The following SLC1A6 variants were observed in gnomAD, a reference collection of about 807,000 sequenced individuals.
SLC1A6 encodes solute carrier family 1 member 6, also known as excitatory amino acid transporter 4.
In SLC1A6, 15 loss-of-function variants were observed where a neutral mutation model predicts 42.1. That is an observed-to-expected ratio of 0.36 (90% CI 0.24 to 0.55). The LOEUF (loss-of-function observed/expected upper bound fraction) is 0.55. Among genes scored for constraint, SLC1A6 ranks in the 20% least tolerant of loss-of-function variants. The pLI is 0.88. For synonymous variants in SLC1A6, 317 were observed against 319.7 expected (o/e 0.99, Z 0.09); for missense variants, 542 against 772.5 (o/e 0.70, Z 3.54).
At chr19:14,993,412 T>C (rs569394049) in intron 1 of SLC1A6, among the ~76,000 whole-genome samples, 46 of 152,156 alleles carry the variant, frequency 3.0e-4, no homozygotes, top group Non-Finnish European at 5.3e-4. Flanking sequence ...CACTGAACCG[T>C]CAACTTTCAA....
chr19:15,004,539 CA>C lies in SLC1A6; in HGVS notation c.6+5945del, dbSNP rs148218390. Reference sequence around the variant, plus strand: ...GCAACATAGCAAGACCTCACCTCTACAAAAAAAAAAAAAAGTCAATTGTGAT... The same window carrying C: ...GCAACATAGCAAGACCTCACCTCTACAAAAAAAAAAAAAGTCAATTGTGAT... On this transcript the variant is annotated intron_variant, in intron 1 of 8. Coordinates refer to the SLC1A6 transcript ENST00000430939. Among the ~76,000 whole-genome samples the C allele has an allele frequency of 3.2e-4, 38 of 120,438 alleles. 2 individuals are homozygous for C. Among genetic ancestry groups the C allele is most frequent in the East Asian group, 7.4e-4 (3 of 4,054 alleles). 79.0% of individuals were successfully genotyped at this position (120,438 alleles called of 152,430 possible).
intron 1 of SLC1A6, among the ~76,000 whole-genome samples, chr19:14,985,553 G>A (rs181718783): frequency 2.0e-5 from 3 of 152,286 alleles, no homozygotes; most frequent in Admixed American, 2.0e-4. Flanking sequence ...AGCTGCCTGA[G>A]GCCCTCACCA....
chr19:14,982,065 A>T (rs73514042), upstream of SLC1A6, among the ~76,000 whole-genome samples: 285 of 150,720 alleles, frequency 1.9e-3, no homozygotes, highest in Middle Eastern at 0.011. Context: ...CTCTAAAAAA[A>T]AAAATAAAAT....
At chr19:14,972,584 G>A in intron 2 of SLC1A6, 122 bp downstream of exon 2, 1 of 748,734 alleles carries the variant, frequency 1.3e-6, no homozygotes, top group Non-Finnish European at 2.3e-6. Context: ...TGACTGGTGG[G>A]ACTGGGACGT....
At chr19:14,984,694 G>A (rs989224084), upstream of SLC1A6, among the ~76,000 whole-genome samples, 1 of 152,100 alleles carries the variant, frequency 6.6e-6, no homozygotes, top group Non-Finnish European at 1.5e-5. Flanking sequence ...TCATGCATTC[G>A]TCATTTGAAA....
intron 4 of SLC1A6, 123 bp from the exon 5 acceptor site, chr19:14,964,484 C>T (rs2045551492): frequency 2.5e-6 from 2 of 789,564 alleles, no homozygotes; most frequent in Admixed American, 1.8e-5. Context: ...TTCCTCTAGG[C>T]TGGGCACTGA....
At chr19:14,953,856 G>A (rs1301089053) in intron 8 of SLC1A6, among the ~76,000 whole-genome samples, 1 of 152,184 alleles carries the variant, frequency 6.6e-6, no homozygotes, top group African/African-American at 2.4e-5. Flanking sequence ...CGGGTTATCA[G>A]GATGCACCAG....
At chr19:14,989,754 G>GC (rs1273975162) in intron 1 of SLC1A6, among the ~76,000 whole-genome samples, 2 of 32,800 alleles carry the variant, frequency 6.1e-5, no homozygotes, top group African/African-American at 2.7e-4. Flanking sequence ...TGGGGTGGCG[G>GC]GGGGTGGGGT....
intron 1 of SLC1A6, chr19:14,973,600 T>G (rs2045670080): frequency 6.5e-6 from 1 of 152,938 alleles, no homozygotes; most frequent in African/African-American, 2.4e-5. Flanking sequence ...TGGACCTTTT[T>G]GACACACCCT....
At chr19:14,991,322 A>G (rs1010537478) in intron 1 of SLC1A6, among the ~76,000 whole-genome samples, 4 of 152,008 alleles carry the variant, frequency 2.6e-5, no homozygotes, top group African/African-American at 9.7e-5. Context: ...TGGGAATTGT[A>G]CTCTTTAAAA....
chr19:14,968,627 T>C (rs2045601861), intron 3 of SLC1A6, 120 bp from the exon 4 acceptor site: 4 of 837,166 alleles, frequency 4.8e-6, no homozygotes, highest in African/African-American at 1.7e-5. Context: ...GCATCCCTTT[T>C]CCTATAGCCC....
rs147669412 is a variant in SLC1A6, at chr19:15,006,828, C to T, written c.6+3657G>A. On this transcript the variant is annotated intron_variant, in intron 1 of 8. Coordinates refer to the SLC1A6 transcript ENST00000430939. ...TAAGCTATGCATGGTGGCACATGCC[C>T]GTAGTCCTAGATACTTAGGAGGCTG... 4.9e-3 allele frequency among the ~76,000 whole-genome samples: 746 copies of T among 151,782 alleles called. 11 individuals carry two copies. Among genetic ancestry groups the T allele is most frequent in the African/African-American group, 0.017 (716 of 41,398 alleles).
rs2045750061 is a variant in SLC1A6, at chr19:14,979,506, C to G, written c.-205G>C. On this transcript the variant is annotated 5_prime_UTR_variant, in exon 1 of 10. Coordinates refer to ENST00000594383, the MANE Select transcript of SLC1A6 (RefSeq NM_005071.3). This position sits in a 1 kb window ranked among gnomAD's most constrained non-coding sequence, Gnocchi z 4.2. ...TCCCCGCGCCGAGCCGCGGAGTCCC[C>G]ACTCACCGGCGTCCGGAGCGGCGGG... is the stretch of plus-strand genomic sequence containing the variant. 1.3e-5 allele frequency: 2 copies of G among 151,474 alleles called. No homozygotes were observed. Among genetic ancestry groups the G allele is most frequent in the Non-Finnish European group, 2.9e-5 (2 of 67,872 alleles). The allele number at this position is 151,474 out of a possible 1,614,324, so 9.4% of individuals were successfully genotyped here.
At chr19:14,951,950 G>T (rs1280141526) in intron 9 of SLC1A6, among the ~76,000 whole-genome samples, 2 of 150,946 alleles carry the variant, frequency 1.3e-5, no homozygotes, top group Non-Finnish European at 2.9e-5. Context: ...AAGCAGCTGG[G>T]ACTACAGGTG....
At chr19:14,986,283 C>G (rs1039522926) in intron 1 of SLC1A6, among the ~76,000 whole-genome samples, 3 of 151,840 alleles carry the variant, frequency 2.0e-5, no homozygotes, top group Non-Finnish European at 4.4e-5. Flanking sequence ...TTTGGGAGGC[C>G]AAAGTGAGTG....
intron 1 of SLC1A6, among the ~76,000 whole-genome samples, chr19:15,002,970 T>C (rs1192974422): frequency 2.0e-5 from 3 of 152,068 alleles, no homozygotes; most frequent in Non-Finnish European, 4.4e-5. Context: ...TGGGATGTTG[T>C]TGTTGTTGTT....
upstream of SLC1A6, chr19:14,980,283 C>T (rs887471352): frequency 6.6e-6 from 1 of 152,252 alleles, no homozygotes; most frequent in Non-Finnish European, 1.5e-5. Flanking sequence ...TGGAAATGCT[C>T]CGTGCCAGCG....
chr19:14,992,489 C>T (rs2045825243), intron 1 of SLC1A6, among the ~76,000 whole-genome samples: 1 of 151,938 alleles, frequency 6.6e-6, no homozygotes, highest in Admixed American at 6.6e-5. Context: ...GCCTGTAATC[C>T]CAGCACTTTG....
rs796785750 is a variant in SLC1A6 at position 15,000,002 on chromosome 19, C to G, written c.6+10483G>C. On this transcript the variant is annotated intron_variant, in intron 1 of 8. Coordinates refer to the SLC1A6 transcript ENST00000430939. ...TAATGCTATCTCTTCCCCCTCCCCC[C>G]CACCCCACAACAGGCCCCGGTGTGT... Among the ~76,000 whole-genome samples the G allele has an allele frequency of 4.0e-5, 6 of 150,572 alleles. No homozygotes were observed. In the South Asian group the frequency reaches 6.4e-4, roughly 16 times the overall value.
Sources: gnomAD v4.1 joint callset for allele counts (sites outside exome capture counted in the v4.1 genomes callset) on GRCh38, gnomAD v4.1.1 for gene constraint, Gnocchi (gnomAD v3.1) non-coding constraint, MANE v1.5 for transcripts, NCBI Gene and HGNC (gene_info 2026-07-23, HGNC 2026-07-21) for gene names.